Variants in HDAC9 observed in about 807,000 individuals in gnomAD.
HDAC9 encodes MEF-2 interacting transcription repressor (MITR) protein.
Under a neutral mutation model 139.4 loss-of-function variants are expected in HDAC9, and 41 were observed. The observed-to-expected ratio is 0.29, with a 90% confidence interval of 0.23 to 0.38. The LOEUF is 0.38. Among genes scored for constraint, HDAC9 ranks in the 10% least tolerant of loss-of-function variants. HDAC9 has a pLI of 1.00. For synonymous variants in HDAC9, 517 were observed against 476.2 expected, an observed-to-expected ratio of 1.09 and a Z score of -1.12; for missense variants, 1,147 against 1,297.0, an observed-to-expected ratio of 0.88 and a Z score of 1.78.
intron 2 of HDAC9, among the ~76,000 whole-genome samples, chr7:18,269,985 T>A (rs1796251869): frequency 6.6e-6 from 1 of 152,074 alleles, no homozygotes; most frequent in African/African-American, 2.4e-5. Flanking sequence ...TACTGATATA[T>A]TGGGCTGGAT....
intron 12 of HDAC9, among the ~76,000 whole-genome samples, chr7:18,684,009 C>A (rs1782077590): frequency 6.6e-6 from 1 of 151,892 alleles, no homozygotes; most frequent in Non-Finnish European, 1.5e-5. Context: ...ATAATCCCAG[C>A]CCTTTGGGAG....
chr7:18,782,854 C>T (rs1052973154), intron 16 of HDAC9, among the ~76,000 whole-genome samples: 1 of 151,918 alleles, frequency 6.6e-6, no homozygotes, highest in African/African-American at 2.4e-5. Context: ...GGTCACGGAT[C>T]GGTGAATGAA....
At chr7:18,396,539 T>A (rs1215911826) in intron 1 of HDAC9, among the ~76,000 whole-genome samples, 1 of 152,096 alleles carries the variant, frequency 6.6e-6, no homozygotes, top group Non-Finnish European at 1.5e-5. Flanking sequence ...GATTTTCCAT[T>A]TTAGGCTGCT....
intron 2 of HDAC9, among the ~76,000 whole-genome samples, chr7:18,530,894 T>A (rs891334308): frequency 1.1e-4 from 17 of 151,644 alleles, no homozygotes; most frequent in African/African-American, 3.6e-4. Flanking sequence ...TCAATCGGTA[T>A]ATAAAGGCTT....
intron 2 of HDAC9, among the ~76,000 whole-genome samples, chr7:18,508,888 C>G (rs956212674): frequency 2.2e-4 from 34 of 152,120 alleles, no homozygotes; most frequent in African/African-American, 8.2e-4. Context: ...TCAAATCACA[C>G]CTTTGTTAGG....
At chr7:18,901,740 A>T (rs1235645962) in intron 22 of HDAC9, among the ~76,000 whole-genome samples, 1 of 152,198 alleles carries the variant, frequency 6.6e-6, no homozygotes, top group East Asian at 1.9e-4. Context: ...TGTTTTCATA[A>T]CTTATCTTAT....
chr7:18,848,523 T>G (rs1431856955), intron 21 of HDAC9, among the ~76,000 whole-genome samples: 1 of 151,704 alleles, frequency 6.6e-6, no homozygotes, highest in South Asian at 2.1e-4. Context: ...AGGCTATGGG[T>G]GCACGCAGCG....
intron 2 of HDAC9, among the ~76,000 whole-genome samples, chr7:18,508,431 G>C (rs1695409629): frequency 6.6e-6 from 1 of 152,200 alleles, no homozygotes; most frequent in South Asian, 2.1e-4. Flanking sequence ...GAAGCATTTA[G>C]CAGTAGGTAG....
intron 5 of HDAC9, 101 bp downstream of exon 5, chr7:18,591,743 G>C (rs955633363): frequency 1.4e-5 from 21 of 1,474,828 alleles, no homozygotes; most frequent in Admixed American, 8.4e-5. Context: ...TTTCTCAGCT[G>C]TCTGGCTGTG....
At chr7:18,395,551 A>T (rs908546014) in intron 1 of HDAC9, among the ~76,000 whole-genome samples, 2 of 151,482 alleles carry the variant, frequency 1.3e-5, no homozygotes, top group African/African-American at 4.9e-5. Flanking sequence ...AAAAAAAAAA[A>T]ACTAGATACC....
intron 2 of HDAC9, among the ~76,000 whole-genome samples, chr7:18,527,669 A>T (rs1056253705): frequency 9.9e-5 from 15 of 152,192 alleles, no homozygotes; most frequent in African/African-American, 3.6e-4. Flanking sequence ...ATGTTTGATC[A>T]AATTAAAATG....
rs1784179888 is a variant in HDAC9 at position 18,118,788 on chromosome 7, C to T, written c.-97+31575C>T. Among the ~76,000 whole-genome samples, 4 of 152,250 alleles carry T rather than the reference C, an allele frequency of 2.6e-5. No individual in the cohort carries two copies. The South Asian group carries it at 8.3e-4, about 32-fold the overall frequency. Reference sequence around the variant, plus strand: ...TTCTTTTTAGGGAAAGCCATTACTACAGTGACATGGATTAATTTATCAGAT... The same window carrying T: ...TTCTTTTTAGGGAAAGCCATTACTATAGTGACATGGATTAATTTATCAGAT... On this transcript the variant is annotated intron_variant, in intron 1 of 12. Transcript: ENST00000417496.
intron 1 of HDAC9, among the ~76,000 whole-genome samples, chr7:18,323,315 C>G (rs1035849836): frequency 6.6e-6 from 1 of 152,322 alleles, no homozygotes; most frequent in Middle Eastern, 3.4e-3. Context: ...GCTCTATTCT[C>G]TCTGTCAGAT....
At chr7:18,978,758 T>C (rs2129339755) in intron 25 of HDAC9, among the ~76,000 whole-genome samples, 1 of 152,322 alleles carries the variant, frequency 6.6e-6, no homozygotes, top group East Asian at 1.9e-4. Flanking sequence ...TGACTATCTG[T>C]TTCAAAATGC....
rs184063501 is a variant in HDAC9 at position 18,411,683 on chromosome 7, A to T, written c.-41-84579A>T. 6.0e-4 allele frequency among the ~76,000 whole-genome samples: 91 copies of T among 151,890 alleles called. No individual in the cohort carries two copies. The East Asian group carries it at 0.017, about 29-fold the overall frequency. On this transcript the variant is annotated intron_variant, in intron 1 of 3. Coordinates refer to the HDAC9 transcript ENST00000413509. ...AGCCACTGTGCCCAGCTAGCTTTTT[A>T]AAAAATAGTCTTTGTGTTAGATGAT...
chr7:18,915,352 C>T (rs1563052430), intron 22 of HDAC9, among the ~76,000 whole-genome samples: 1 of 151,912 alleles, frequency 6.6e-6, no homozygotes, highest in Admixed American at 6.6e-5. Context: ...AAAAAGATTC[C>T]ATTTACTATA....
chr7:18,910,464 TTATA>T (rs998395213), intron 22 of HDAC9, among the ~76,000 whole-genome samples: 12 of 151,894 alleles, frequency 7.9e-5, no homozygotes, highest in African/African-American at 2.7e-4. Context: ...CTTTAGGTCT[TTATA>T]TGTGATTATA....
intron 2 of HDAC9, among the ~76,000 whole-genome samples, chr7:18,163,965 C>A (rs1017865080): frequency 6.6e-6 from 1 of 152,042 alleles, no homozygotes; most frequent in Non-Finnish European, 1.5e-5. Context: ...TGAGGAAATT[C>A]TTGCGAGTTG....
intron 1 of HDAC9, among the ~76,000 whole-genome samples, chr7:18,486,941 C>G (rs1796017720): frequency 1.3e-5 from 2 of 152,042 alleles, no homozygotes; most frequent in Admixed American, 1.3e-4. Context: ...TCATATGTAT[C>G]TATTCAACCA....
Sources: gnomAD v4.1 joint callset for allele counts (sites outside exome capture counted in the v4.1 genomes callset) on GRCh38, gnomAD v4.1.1 for gene constraint, MANE v1.5 for transcripts, NCBI Gene and HGNC (gene_info 2026-07-23, HGNC 2026-07-21) for gene names.